SETD3: variants seen among roughly 807,000 people sequenced by gnomAD.
The protein encoded by SETD3 is SET domain containing 3, actin N3(tau)-histidine methyltransferase.
In SETD3, 19 loss-of-function variants were observed where a neutral mutation model predicts 63.0. The ratio of observed to expected loss-of-function variants is 0.30; its 90% CI spans 0.21 to 0.44. The LOEUF is 0.44. Ranked by LOEUF, SETD3 falls within the 20% of genes least tolerant of loss-of-function variation. The pLI is 1.00. For missense variants in SETD3, 587 were observed against 728.5 expected (o/e 0.81, Z 2.24); for synonymous variants, 286 against 264.1 (o/e 1.08, Z -0.80).
At position 99,400,204 on chromosome 14, in the gene SETD3, C is replaced by T. The variant is rs773474916; in HGVS notation, c.1233G>A (p.Leu411=). Residue 411 remains leucine, a synonymous_variant, in exon 12 of 13, where the codon TTG becomes TTA. Coordinates refer to ENST00000331768, the MANE Select transcript of SETD3 (RefSeq NM_032233.3). ...AGCTAACAGGAAATTCCGAGTTCCC[C>T]AAGGTGAAGATTCTATCAATAGCGC... is the stretch of plus-strand genomic sequence containing the variant. ...GDSAIDRIFT[L]GNSEFPVSWD... is the part of the protein sequence containing the mutation. 4 of 1,614,116 alleles carry T rather than the reference C, an allele frequency of 2.5e-6. No homozygotes were observed. The South Asian group carries it at 4.4e-5, about 18-fold the overall frequency.
chr14:99,462,023 GATGA>G (rs1895091735), intron 3 of SETD3, among the ~76,000 whole-genome samples: 1 of 152,204 alleles, frequency 6.6e-6, no homozygotes, highest in East Asian at 1.9e-4. Flanking sequence ...TCACAGTGAA[GATGA>G]ACACCCTGCA....
intron 1 of SETD3, among the ~76,000 whole-genome samples, chr14:99,468,255 A>G (rs1184177252): frequency 6.6e-6 from 1 of 151,144 alleles, no homozygotes; most frequent in Non-Finnish European, 1.5e-5. Flanking sequence ...GCAGCCACTC[A>G]GCCCACACCT....
At chr14:99,407,337 C>T (rs1274115922) in intron 8 of SETD3, among the ~76,000 whole-genome samples, 1 of 152,170 alleles carries the variant, frequency 6.6e-6, no homozygotes, top group African/African-American at 2.4e-5. Flanking sequence ...CAAGGAAACC[C>T]TCGCGTCTCA....
upstream of SETD3, chr14:99,481,683 G>C (rs1254393429): frequency 2.6e-6 from 1 of 388,670 alleles, no homozygotes; most frequent in East Asian, 3.7e-5. Flanking sequence ...TGAGGCGCCG[G>C]GGCGGGGCAG....
chr14:99,459,517 G>A (rs1298828512), intron 4 of SETD3, among the ~76,000 whole-genome samples: 3 of 152,150 alleles, frequency 2.0e-5, no homozygotes, highest in African/African-American at 7.2e-5. Context: ...ATACTTTACT[G>A]TACTTTTAAG....
chr14:99,426,494 A>G (rs996397524), intron 6 of SETD3, among the ~76,000 whole-genome samples: 1 of 152,216 alleles, frequency 6.6e-6, no homozygotes, highest in Non-Finnish European at 1.5e-5. Flanking sequence ...GGAAAGCAGC[A>G]GAGCAGCTGA....
At chr14:99,408,573 T>C (rs1163368817) in intron 8 of SETD3, among the ~76,000 whole-genome samples, 2 of 151,994 alleles carry the variant, frequency 1.3e-5, no homozygotes, top group Non-Finnish European at 2.9e-5. Context: ...TTAGGGAGAT[T>C]GTGGAGAAAG....
chr14:99,451,503 TTTC>T (rs1894459987), intron 6 of SETD3, among the ~76,000 whole-genome samples: 1 of 152,174 alleles, frequency 6.6e-6, no homozygotes, highest in Non-Finnish European at 1.5e-5. Context: ...TTTTTCTTTT[TTTC>T]TTTTTTTGAG....
upstream of SETD3, among the ~76,000 whole-genome samples, chr14:99,482,118 G>A (rs146058502): frequency 8.5e-5 from 13 of 152,320 alleles, no homozygotes; most frequent in East Asian, 2.5e-3. Flanking sequence ...CTAAACGATT[G>A]TCTGCCCAAG....
chr14:99,455,874 G>C (rs1305469262), intron 6 of SETD3, among the ~76,000 whole-genome samples: 3 of 152,228 alleles, frequency 2.0e-5, no homozygotes, highest in Non-Finnish European at 4.4e-5. Context: ...ATGTCTTCAG[G>C]CTGAGCGAGG....
rs1417090832 is a variant in SETD3, at chr14:99,401,561, G to T, written c.1178-1302C>A. ...TCTATGACTAGAGAGGAACTAAAGA[G>T]AATCAACAGACCTAAAAGGATTCAA... On this transcript the variant is annotated intron_variant, in intron 11 of 12. Transcript: ENST00000331768. 2.6e-5 allele frequency among the ~76,000 whole-genome samples: 4 copies of T among 152,288 alleles called. No individual in the cohort carries two copies. The East Asian group carries it at 7.7e-4, about 29-fold the overall frequency.
At chr14:99,414,642 A>G (rs759078470) in intron 6 of SETD3, among the ~76,000 whole-genome samples, 1 of 152,226 alleles carries the variant, frequency 6.6e-6, no homozygotes, top group Admixed American at 6.5e-5. Flanking sequence ...CTTCACTTTT[A>G]TGAGAAAATT....
chr14:99,438,696 C>T (rs1056421623), intron 6 of SETD3, among the ~76,000 whole-genome samples: 2 of 152,166 alleles, frequency 1.3e-5, no homozygotes, highest in Admixed American at 6.5e-5. Flanking sequence ...ACCTCCCTGC[C>T]GCTGGGGTTG....
At chr14:99,410,130 A>T in intron 8 of SETD3, 1 of 1,461,302 alleles carries the variant, frequency 6.8e-7, no homozygotes, top group Admixed American at 1.7e-5. Context: ...ACGCTGGAGG[A>T]GGTCTATGAG....
intron 2 of SETD3, 24 bp downstream of exon 2, chr14:99,465,679 G>C (rs960965152): frequency 6.3e-7 from 1 of 1,583,610 alleles, no homozygotes; most frequent in Non-Finnish European, 8.7e-7. Context: ...CATCAAGGCA[G>C]GGAGAGCCCA....
intron 1 of SETD3, among the ~76,000 whole-genome samples, chr14:99,479,742 A>G (rs1462754535): frequency 6.6e-6 from 1 of 152,248 alleles, no homozygotes; most frequent in African/African-American, 2.4e-5. Flanking sequence ...GATTCTTAAA[A>G]GCAAAATTGA....
intron 8 of SETD3, among the ~76,000 whole-genome samples, 182 bp from the exon 9 acceptor site, chr14:99,406,772 A>T (rs962103769): frequency 6.6e-6 from 1 of 152,254 alleles, no homozygotes; most frequent in African/African-American, 2.4e-5. Context: ...AACTCTAGTT[A>T]TATCAGAGAT....
chr14:99,452,453 G>C (rs1365145262), intron 6 of SETD3, among the ~76,000 whole-genome samples: 1 of 152,310 alleles, frequency 6.6e-6, no homozygotes, highest in South Asian at 2.1e-4. Flanking sequence ...AAGACAGAAG[G>C]TGATCTGAAC....
intron 6 of SETD3, among the ~76,000 whole-genome samples, chr14:99,431,652 A>G (rs1893189109): frequency 6.6e-6 from 1 of 152,034 alleles, no homozygotes; most frequent in Admixed American, 6.6e-5. Context: ...CACCACGCCC[A>G]GCCAATTTTG....
Sources: gnomAD v4.1 joint callset for allele counts (sites outside exome capture counted in the v4.1 genomes callset) on GRCh38, gnomAD v4.1.1 for gene constraint, MANE v1.5 for transcripts, NCBI Gene and HGNC (gene_info 2026-07-23, HGNC 2026-07-21) for gene names.